XRCC6: variants seen among roughly 807,000 people sequenced by gnomAD.
The protein encoded by XRCC6 is DNA repair protein Ku70.
In XRCC6, 5 loss-of-function variants were observed where a neutral mutation model predicts 65.7. That is an observed-to-expected ratio of 0.08 (90% CI 0.04 to 0.16). The LOEUF (loss-of-function observed/expected upper bound fraction) is 0.16. XRCC6 is among the 10% of genes least tolerant of loss of function. The pLI, the probability that XRCC6 is intolerant of heterozygous loss-of-function variation, is 1.00. For missense variants in XRCC6, 447 were observed against 738.1 expected (o/e 0.61, Z 4.57); for synonymous variants, 270 against 270.6 (o/e 1.00, Z 0.02).
At chr22:41,647,268 T>A (rs2067941889) in intron 7 of XRCC6, among the ~76,000 whole-genome samples, 186 bp downstream of exon 7, 1 of 152,072 alleles carries the variant, frequency 6.6e-6, no homozygotes, top group Non-Finnish European at 1.5e-5. Flanking sequence ...CCAGCTAATT[T>A]ATTTATTTAT....
chr22:41,654,770 C>G (rs67553892), intron 9 of XRCC6, among the ~76,000 whole-genome samples: 8,742 of 152,218 alleles, frequency 0.057, 575 homozygotes, highest in African/African-American at 0.15. Flanking sequence ...GAGGCACTGT[C>G]CGGCTAGCTC....
intron 3 of XRCC6, 162 bp downstream of exon 3, chr22:41,628,392 T>C (rs2067702249): frequency 5.8e-6 from 3 of 515,960 alleles, no homozygotes; most frequent in Non-Finnish European, 1.0e-5. Flanking sequence ...ACCCCGTCTC[T>C]ACAAAAAATA....
At chr22:41,629,909 G>A (rs953496487) in intron 3 of XRCC6, among the ~76,000 whole-genome samples, 6 of 150,858 alleles carry the variant, frequency 4.0e-5, no homozygotes, top group Non-Finnish European at 7.4e-5. Flanking sequence ...GAAGTGATCC[G>A]CCTGCCTCGG....
At chr22:41,663,526 TGCAGCCCAGATTATACGAGGTCCC>T in intron 12 of XRCC6, 72 bp from the exon 13 acceptor site, 1 of 1,392,344 alleles carries the variant, frequency 7.2e-7, no homozygotes, top group Non-Finnish European at 9.9e-7. Flanking sequence ...TATGGTTAAT[TGCAGCCCAGATTATACGAGGTCCC>T]CCATGCCATG....
intron 2 of XRCC6, among the ~76,000 whole-genome samples, chr22:41,626,661 C>T (rs1434999677): frequency 7.0e-6 from 1 of 142,738 alleles, no homozygotes; most frequent in Non-Finnish European, 1.5e-5. Flanking sequence ...TTTTTGAGAC[C>T]GAGTCTCACT....
In XRCC6 at chr22:41,636,739, C is replaced by G. The variant is rs769430388; in HGVS notation, c.558C>G (p.Ala186=). ...HGNDSAKASR[A]RTKAGDLRDT... The stretch of plus-strand genomic sequence containing the variant: ...ATGACAGTGCCAAAGCCAGCCGGGC[C>G]AGGACCAAAGCCGGTGATCTCCGAG... Residue 186 remains alanine, a synonymous_variant, in exon 5 of 13, where the codon GCC becomes GCG. Transcript: ENST00000360079. 3 of 1,614,060 alleles carry G rather than the reference C, an allele frequency of 1.9e-6. No individual in the cohort carries two copies. Among genetic ancestry groups the G allele is most frequent in the Non-Finnish European group, 2.5e-6 (3 of 1,180,046 alleles).
chr22:41,632,082 A>C lies in XRCC6; in HGVS notation c.195+3852A>C, dbSNP rs534332432. 1.3e-3 allele frequency among the ~76,000 whole-genome samples: 199 copies of C among 151,750 alleles called. 1 individual carries two copies. Among genetic ancestry groups the C allele is most frequent in the African/African-American group, 4.5e-3 (184 of 41,306 alleles). On this transcript the variant is annotated intron_variant, in intron 3 of 12. Coordinates refer to ENST00000360079, the MANE Select transcript of XRCC6 (RefSeq NM_001469.5). Reference sequence around the variant, plus strand: ...CAGTGAGCCGAGATGGCAGCAGTACAGTCCAGCTTCGGCTCGGCATCAGAG... The same window carrying C: ...CAGTGAGCCGAGATGGCAGCAGTACCGTCCAGCTTCGGCTCGGCATCAGAG...
chr22:41,652,020 G>A (rs1392769650), intron 8 of XRCC6, among the ~76,000 whole-genome samples: 1 of 152,130 alleles, frequency 6.6e-6, no homozygotes, highest in Non-Finnish European at 1.5e-5. Flanking sequence ...CTGACCTTAG[G>A]TGATTCACCC....
chr22:41,656,788 C>T, intron 9 of XRCC6, 115 bp from the exon 10 acceptor site: 1 of 1,401,810 alleles, frequency 7.1e-7, no homozygotes, highest in Non-Finnish European at 9.7e-7. Context: ...AGAAATGGGG[C>T]CTACGGGGCC....
chr22:41,649,137 AAAATATATATATATAT>A, intron 7 of XRCC6, among the ~76,000 whole-genome samples: 1 of 92,874 alleles, frequency 1.1e-5, no homozygotes, highest in Admixed American at 1.6e-4. Flanking sequence ...AAAAAAAAAA[AAAATATATATATATAT>A]ATATATATAT....
At chr22:41,626,185 C>G (rs1189272028) in intron 2 of XRCC6, among the ~76,000 whole-genome samples, 3 of 151,382 alleles carry the variant, frequency 2.0e-5, no homozygotes, top group Non-Finnish European at 4.4e-5. Flanking sequence ...CTCTGTCACG[C>G]AGGCTGGAGT....
chr22:41,637,764 A>G lies in XRCC6; in HGVS notation c.746A>G (p.Lys249Arg). Reference protein sequence around the residue: ...LEDLLRKVRAKETRKRALSRL... With the variant: ...LEDLLRKVRARETRKRALSRL... ...GACCTGTTGCGGAAGGTTCGCGCCA[A>G]GGAGACCAGGAAGCGAGCACTCAGC... The change falls in exon 6 of 13, where the codon AAG becomes AGG. Residue 249 changes from lysine to arginine, a missense_variant. Lys to Arg is a conservative substitution (Grantham distance 26). Transcript: ENST00000360079. 1 of 1,614,000 alleles carries G rather than the reference A, an allele frequency of 6.2e-7. No homozygotes were observed. Among genetic ancestry groups the G allele is most frequent in the Middle Eastern group, 1.7e-4 (1 of 6,058 alleles).
intron 3 of XRCC6, among the ~76,000 whole-genome samples, chr22:41,629,652 GTATT>G (rs28741119): frequency 1.6e-4 from 25 of 152,004 alleles, no homozygotes; most frequent in Admixed American, 6.6e-4. Flanking sequence ...GTTTGTGTGT[GTATT>G]TATTTATTTA....
chr22:41,636,495 T>G (rs1195976263), intron 4 of XRCC6, 21 bp from the exon 5 acceptor site: 3 of 1,610,270 alleles, frequency 1.9e-6, no homozygotes, highest in Non-Finnish European at 2.5e-6. Context: ...TCTTTCCATT[T>G]GACTCCCTGC....
intron 7 of XRCC6, among the ~76,000 whole-genome samples, chr22:41,648,381 C>T (rs368042634): frequency 1.4e-4 from 22 of 152,068 alleles, no homozygotes; most frequent in African/African-American, 5.3e-4. Flanking sequence ...TGCTCAGGTA[C>T]AATAGCAGAA....
chr22:41,626,084 T>A (rs1386737436), intron 2 of XRCC6, among the ~76,000 whole-genome samples: 1 of 151,858 alleles, frequency 6.6e-6, no homozygotes, highest in Non-Finnish European at 1.5e-5. Flanking sequence ...GTGATCCACA[T>A]GTCTCGGCCT....
In XRCC6 at chr22:41,663,811, A is replaced by G. The variant is rs777980914; in HGVS notation, c.1826A>G (p.Asp609Gly). 2.5e-6 allele frequency: 4 copies of G among 1,612,294 alleles called. No individual in the cohort carries two copies. In the South Asian group the frequency reaches 3.3e-5, roughly 13 times the overall value. The change falls in exon 13 of 13, where the codon GAC (aspartate) becomes GGC (glycine). Residue 609 changes from aspartate (D) to glycine (G), a missense_variant. Physicochemically the swap from Asp to Gly is moderately conservative, Grantham distance 94 (BLOSUM62 -1). Transcript: ENST00000360079. The stretch of plus-strand genomic sequence containing the variant: ...GAAGCCCTCACCAAGCACTTCCAGG[A>G]CTGACCAGAGGCCGCGCGTCCAGCT... ...LLEALTKHFQD is the reference protein window; with the variant it reads ...LLEALTKHFQG
At chr22:41,634,459 T>C (rs1032966677) in intron 3 of XRCC6, among the ~76,000 whole-genome samples, 2 of 152,044 alleles carry the variant, frequency 1.3e-5, no homozygotes, top group Admixed American at 6.6e-5. Context: ...GTGCTGGGAT[T>C]ATAGGCATGA....
intron 5 of XRCC6, 145 bp from the exon 6 acceptor site, chr22:41,637,463 T>A: frequency 1.4e-6 from 1 of 715,686 alleles, no homozygotes; most frequent in Non-Finnish European, 2.2e-6. Context: ...GTTGGTTTCC[T>A]TAGTCACTTT....
Sources: gnomAD v4.1 joint callset for allele counts (sites outside exome capture counted in the v4.1 genomes callset) on GRCh38, gnomAD v4.1.1 for gene constraint, MANE v1.5 for transcripts, NCBI Gene and HGNC (gene_info 2026-07-23, HGNC 2026-07-21) for gene names.